The following RGS6 variants were observed in gnomAD, a reference collection of about 807,000 sequenced individuals.
RGS6 encodes regulator of G protein signaling 6, also known as regulator of G-protein signaling 6.
A neutral mutation model predicts 78.5 loss-of-function variants in RGS6; 30 were observed. The observed-to-expected ratio is 0.38, with a 90% CI of 0.29 to 0.52. The LOEUF is 0.52. Ranked by LOEUF, RGS6 falls within the 20% of genes least tolerant of loss-of-function variation. RGS6 has a pLI of 0.85. For synonymous variants in RGS6, 206 were observed against 206.0 expected, an observed-to-expected ratio of 1.00 and a Z score of 0.00; for missense variants, 495 against 609.7, an observed-to-expected ratio of 0.81 and a Z score of 1.98.
chr14:72,434,576 A>G (rs975126372), intron 3 of RGS6, among the ~76,000 whole-genome samples: 10 of 152,092 alleles, frequency 6.6e-5, no homozygotes, highest in African/African-American at 1.2e-4. Context: ...GAGGCTTGCT[A>G]TCTTGCCCAG....
the RGS6 span, among the ~76,000 whole-genome samples, chr14:71,873,801 C>T: frequency 6.6e-6 from 1 of 152,156 alleles, no homozygotes; most frequent in African/African-American, 2.4e-5. Context: ...TTTAATCCAT[C>T]TTGAATTAAT....
chr14:72,398,764 T>G (rs2091896945), intron 3 of RGS6, among the ~76,000 whole-genome samples: 1 of 152,314 alleles, frequency 6.6e-6, no homozygotes, highest in South Asian at 2.1e-4. Context: ...TTTGTTCTTG[T>G]TGGTTTCAAA....
At chr14:72,214,014 G>C (rs576064594) in intron 2 of RGS6, among the ~76,000 whole-genome samples, 1 of 152,158 alleles carries the variant, frequency 6.6e-6, no homozygotes, top group African/African-American at 2.4e-5. Context: ...TTCTGGGTGG[G>C]ATATTGGCTG....
At chr14:71,885,946 T>C in the RGS6 span, among the ~76,000 whole-genome samples, 1 of 151,524 alleles carries the variant, frequency 6.6e-6, no homozygotes, top group Non-Finnish European at 1.5e-5. Context: ...CTCCTTCTCT[T>C]TTTTCTCTTT....
At chr14:72,328,216 A>C (rs1209884812) in intron 2 of RGS6, among the ~76,000 whole-genome samples, 2 of 152,170 alleles carry the variant, frequency 1.3e-5, no homozygotes, top group Admixed American at 1.3e-4. Context: ...TACTCAATCT[A>C]CTGATTCAAA....
intron 3 of RGS6, among the ~76,000 whole-genome samples, chr14:72,423,908 A>G (rs543442672): frequency 4.6e-5 from 7 of 152,358 alleles, no homozygotes; most frequent in Non-Finnish European, 1.0e-4. Context: ...ACTAGGGATT[A>G]TAGAAGTGTT....
rs371071880 is a variant in RGS6 at position 71,972,317 on chromosome 14, ACTT to A, written c.84+7445_84+7447del. On this transcript the variant is annotated intron_variant, in intron 2 of 17. Coordinates refer to ENST00000553525, the MANE Select transcript of RGS6 (RefSeq NM_001204424.2). The stretch of plus-strand genomic sequence containing the variant: ...TGGAAGCCATCTACCACACAGCTCT[ACTT>A]CTACTAGCCAGGGGTTTCTGAGTGT... 5.5e-3 allele frequency among the ~76,000 whole-genome samples: 820 copies of A among 149,928 alleles called. 9 individuals carry two copies. The highest frequency in any genetic ancestry group is 0.019 in the African/African-American group (781 of 40,836).
chr14:72,051,023 T>G (rs912858099), intron 2 of RGS6, among the ~76,000 whole-genome samples: 6 of 152,220 alleles, frequency 3.9e-5, no homozygotes, highest in African/African-American at 1.4e-4. Context: ...GTTTGTATTT[T>G]TGTTATCCAT....
At chr14:72,360,844 G>T (rs2081304370) in intron 3 of RGS6, among the ~76,000 whole-genome samples, 1 of 152,130 alleles carries the variant, frequency 6.6e-6, no homozygotes, top group Admixed American at 6.5e-5. Flanking sequence ...ATCCGCACAT[G>T]TCGAGGGAGA....
At chr14:72,489,287 C>T (rs1234218360) in intron 12 of RGS6, among the ~76,000 whole-genome samples, 1 of 152,176 alleles carries the variant, frequency 6.6e-6, no homozygotes, top group African/African-American at 2.4e-5. Flanking sequence ...TACAACTCGT[C>T]ACCCCCTGAA....
At chr14:72,315,773 T>G (rs550071887) in intron 2 of RGS6, among the ~76,000 whole-genome samples, 1 of 152,322 alleles carries the variant, frequency 6.6e-6, no homozygotes, top group Admixed American at 6.5e-5. Flanking sequence ...CCTTAGAGGT[T>G]GTAACTAGTC....
intron 3 of RGS6, among the ~76,000 whole-genome samples, chr14:72,365,394 C>G (rs531847983): frequency 6.6e-5 from 10 of 152,298 alleles, no homozygotes; most frequent in African/African-American, 2.2e-4. Context: ...AACCATTGTA[C>G]CAAGTGATAC....
chr14:72,332,204 T>C (rs1318886772), intron 2 of RGS6, among the ~76,000 whole-genome samples: 1 of 152,162 alleles, frequency 6.6e-6, no homozygotes, highest in Non-Finnish European at 1.5e-5. Context: ...TGAGAACAAC[T>C]TGAACTAAGC....
At chr14:72,117,173 G>C (rs1410938581) in intron 2 of RGS6, among the ~76,000 whole-genome samples, 1 of 152,084 alleles carries the variant, frequency 6.6e-6, no homozygotes, top group South Asian at 2.1e-4. Context: ...TGTTGAAATA[G>C]CAAAAAGGCT....
chr14:72,503,332 T>A (rs1478982648), intron 13 of RGS6, among the ~76,000 whole-genome samples: 1 of 152,352 alleles, frequency 6.6e-6, no homozygotes, highest in East Asian at 1.9e-4. Context: ...TTATGTCATC[T>A]TGCATGCAAA....
At chr14:72,222,041 G>A (rs540567261) in intron 2 of RGS6, among the ~76,000 whole-genome samples, 68 of 152,348 alleles carry the variant, frequency 4.5e-4, no homozygotes, top group Admixed American at 2.0e-3. Flanking sequence ...CAATCTGCTG[G>A]TTGGATTTGA....
intron 2 of RGS6, among the ~76,000 whole-genome samples, chr14:71,983,734 C>T (rs2094561621): frequency 1.3e-5 from 2 of 152,224 alleles, no homozygotes; most frequent in Admixed American, 6.5e-5. Flanking sequence ...CCCATACCCC[C>T]AATTGATTGT....
intron 1 of RGS6, among the ~76,000 whole-genome samples, chr14:71,964,438 G>A (rs151048601): frequency 3.4e-4 from 52 of 152,252 alleles, no homozygotes; most frequent in Non-Finnish European, 6.5e-4. Flanking sequence ...CCCGGGAGGC[G>A]GAGGTTTCAG....
chr14:72,087,103 T>C (rs961228424), intron 2 of RGS6, among the ~76,000 whole-genome samples: 2 of 152,196 alleles, frequency 1.3e-5, no homozygotes, highest in Non-Finnish European at 2.9e-5. Context: ...TCAGATAAGA[T>C]GAAATTCATT....
Sources: allele counts gnomAD v4.1 joint callset (sites outside exome capture counted in the v4.1 genomes callset), GRCh38; gene constraint gnomAD v4.1.1; transcripts MANE v1.5; gene names NCBI Gene and HGNC (gene_info 2026-07-23, HGNC 2026-07-21).